Variants in DOCK10 observed in about 807,000 individuals in gnomAD.
The protein encoded by DOCK10 is dedicator of cytokinesis protein 10.
In DOCK10, 145 loss-of-function variants were observed where a neutral mutation model predicts 280.1. The observed-to-expected ratio is 0.52, with a 90% CI of 0.45 to 0.59. DOCK10 has a LOEUF of 0.59. DOCK10 is among the 20% of genes least tolerant of loss of function. The probability of loss-of-function intolerance (pLI) is 0.00; values close to 1 mark genes in which losing one functional copy is unlikely to be tolerated. For synonymous variants in DOCK10, 915 were observed against 942.2 expected (o/e 0.97, Z 0.53); for missense variants, 2,368 against 2,651.7 (o/e 0.89, Z 2.35).
intron 30 of DOCK10, among the ~76,000 whole-genome samples, chr2:224,814,572 A>G (rs551545155): frequency 1.3e-5 from 2 of 152,202 alleles, no homozygotes; most frequent in Non-Finnish European, 2.9e-5. Flanking sequence ...CTCAGGCTGG[A>G]GTGCAGTAGC....
intron 1 of DOCK10, among the ~76,000 whole-genome samples, chr2:225,024,630 C>T (rs1221894886): frequency 6.6e-6 from 1 of 151,960 alleles, no homozygotes; most frequent in African/African-American, 2.4e-5. Context: ...TGGCTCATGC[C>T]TATAATCCCA....
chr2:224,817,722 CA>C (rs1433089296), intron 29 of DOCK10, among the ~76,000 whole-genome samples: 1 of 151,670 alleles, frequency 6.6e-6, no homozygotes, highest in African/African-American at 2.4e-5. Context: ...AATATACTTT[CA>C]AAAAAAATTG....
chr2:224,789,874 G>A (rs950577865), intron 47 of DOCK10, among the ~76,000 whole-genome samples: 2 of 151,786 alleles, frequency 1.3e-5, no homozygotes, highest in African/African-American at 4.8e-5. Context: ...TCCGCCTCCC[G>A]GGTTCAAGCG....
chr2:224,877,269 A>G lies in DOCK10; in HGVS notation c.748-1048T>C, dbSNP rs558634965. Among the ~76,000 whole-genome samples, 28 of 152,262 alleles carry G rather than the reference A, an allele frequency of 1.8e-4. No homozygotes were observed. In the East Asian group the frequency reaches 4.8e-3, roughly 26 times the overall value. The stretch of plus-strand genomic sequence containing the variant: ...ATGATTTGAAATTATCTGCTTATCC[A>G]TTTTTGTTTGTTTTGACAAATACAT... On this transcript the variant is annotated intron_variant, in intron 7 of 55. Transcript: ENST00000258390.
At chr2:224,915,610 G>T (rs1701263299) in intron 3 of DOCK10, among the ~76,000 whole-genome samples, 1 of 152,156 alleles carries the variant, frequency 6.6e-6, no homozygotes, top group African/African-American at 2.4e-5. Context: ...GCCGAGAAAA[G>T]ATATTGCTAT....
chr2:225,040,106 G>A (rs1690377526), intron 1 of DOCK10, among the ~76,000 whole-genome samples: 1 of 152,126 alleles, frequency 6.6e-6, no homozygotes, highest in Non-Finnish European at 1.5e-5. Flanking sequence ...ATCAATGTAC[G>A]CTAAGATTAG....
chr2:224,869,077 GCATCTGCAAAGCCTAA>G (rs1698104389), intron 11 of DOCK10, among the ~76,000 whole-genome samples: 1 of 152,042 alleles, frequency 6.6e-6, no homozygotes, highest in East Asian at 1.9e-4. Context: ...ATTTAACAAA[GCATCTGCAAAGCCTAA>G]CAAATTAATT....
intron 44 of DOCK10, 82 bp from the exon 45 acceptor site, chr2:224,795,176 C>T: frequency 8.1e-7 from 1 of 1,232,518 alleles, no homozygotes; most frequent in Non-Finnish European, 1.2e-6. Context: ...TTAATTATGG[C>T]TACGCATCAC....
chr2:224,773,084 CA>C (rs1408579018), intron 53 of DOCK10, 72 bp downstream of exon 53: 1 of 1,340,950 alleles, frequency 7.5e-7, no homozygotes, highest in African/African-American at 1.5e-5. Flanking sequence ...TCTTTGTAAA[CA>C]AAGTTCTCAG....
rs915490078 is a variant in DOCK10, at chr2:224,782,690, A to G, written c.5655+4332T>C. ...CTGGCTCATTACAGACACAATTAGT[A>G]TTAAATACCCCAGCCAAAACTATAA... On this transcript the variant is annotated intron_variant, in intron 50 of 55. Coordinates refer to ENST00000258390, the MANE Select transcript of DOCK10 (RefSeq NM_014689.3). 4.6e-5 allele frequency among the ~76,000 whole-genome samples: 7 copies of G among 152,186 alleles called. 1 individual carries two copies. The South Asian group carries it at 1.4e-3, about 32-fold the overall frequency.
At chr2:224,989,300 T>C (rs952331486) in intron 1 of DOCK10, among the ~76,000 whole-genome samples, 3 of 152,182 alleles carry the variant, frequency 2.0e-5, no homozygotes, top group Non-Finnish European at 2.9e-5. Flanking sequence ...GGAAGAAACA[T>C]GGGGACCAAG....
At chr2:224,833,222 C>T (rs543273282) in intron 26 of DOCK10, among the ~76,000 whole-genome samples, 1 of 152,242 alleles carries the variant, frequency 6.6e-6, no homozygotes, top group South Asian at 2.1e-4. Flanking sequence ...GCAAAACCCT[C>T]CAACGACACA....
rs1559986991 is a variant in DOCK10 at position 225,035,581 on chromosome 2, T to TA, written c.123+6670dup. Among the ~76,000 whole-genome samples the TA allele has an allele frequency of 1.6e-3, 183 of 111,826 alleles. 1 individual carries two copies. Among genetic ancestry groups the TA allele is most frequent in the African/African-American group, 7.5e-3 (175 of 23,236 alleles). 73.4% of individuals were successfully genotyped at this position (111,826 alleles called of 152,430 possible). A position where few individuals can be genotyped will look rare whatever the true frequency, so the allele number is the denominator to read the frequency against. On this transcript the variant is annotated intron_variant, in intron 1 of 55. Transcript: ENST00000258390. ...ATATATATATATATATATATATATATATATATAACACTGAATCAGTGTTAA... is the reference window on the plus strand; with the variant it reads ...ATATATATATATATATATATATATATAATATATAACACTGAATCAGTGTTAA...
intron 11 of DOCK10, among the ~76,000 whole-genome samples, chr2:224,868,802 T>C (rs955686931): frequency 3.3e-5 from 5 of 152,180 alleles, no homozygotes; most frequent in Non-Finnish European, 7.3e-5. Context: ...TCTTGTTTTG[T>C]GGTAGTAGTA....
chr2:224,881,753 G>C (rs1698990359), intron 7 of DOCK10, among the ~76,000 whole-genome samples: 1 of 152,170 alleles, frequency 6.6e-6, no homozygotes, highest in Non-Finnish European at 1.5e-5. Flanking sequence ...TCGGAAGTGA[G>C]ATTTTCAGAA....
At chr2:224,881,780 G>A (rs886814129) in intron 7 of DOCK10, among the ~76,000 whole-genome samples, 5 of 152,124 alleles carry the variant, frequency 3.3e-5, no homozygotes, top group Non-Finnish European at 5.9e-5. Context: ...TTGCTAATGC[G>A]AGGCTTACGG....
Position 224,816,793 on chromosome 2 carries a change from G to A in DOCK10, c.3268-80C>T, listed in dbSNP as rs1301655478. On this transcript the variant is annotated intron_variant, in intron 29 of 55. Transcript: ENST00000258390. ...AAACAAACAAACAAAATCTGCACTT[G>A]AATCTTATCCCTAAAAAGAAAAAGT... is the stretch of plus-strand genomic sequence containing the variant. The A allele has an allele frequency of 6.5e-6, 5 of 764,300 alleles. No homozygotes were observed. In the Admixed American group the frequency reaches 1.3e-4, roughly 20 times the overall value. The allele number at this position is 764,300 out of a possible 1,614,324, so 47.3% of individuals were successfully genotyped here. A position where few individuals can be genotyped will look rare whatever the true frequency, so the allele number is the denominator to read the frequency against.
At chr2:224,776,432 C>T (rs555605310) in intron 51 of DOCK10, among the ~76,000 whole-genome samples, 67 of 152,160 alleles carry the variant, frequency 4.4e-4, no homozygotes, top group African/African-American at 1.4e-3. Context: ...ATTTTCTCAT[C>T]CCCCCACGCT....
At chr2:225,017,465 C>A (rs1385732173) in intron 1 of DOCK10, among the ~76,000 whole-genome samples, 3 of 144,298 alleles carry the variant, frequency 2.1e-5, no homozygotes, top group Non-Finnish European at 4.7e-5. Context: ...CAAGAGCAAG[C>A]CTGAAAGAGA....
Sources: gnomAD v4.1 joint callset for allele counts (sites outside exome capture counted in the v4.1 genomes callset) on GRCh38, gnomAD v4.1.1 for gene constraint, MANE v1.5 for transcripts, NCBI Gene and HGNC (gene_info 2026-07-23, HGNC 2026-07-21) for gene names.